BACE2: variants seen among roughly 807,000 people sequenced by gnomAD.
BACE2 encodes 56 kDa aspartic-like protease.
BACE2 carries 17 observed loss-of-function variants against 46.2 expected under a neutral mutation model. The ratio of observed to expected loss-of-function variants is 0.37; its 90% CI spans 0.25 to 0.55. BACE2 has a LOEUF of 0.55. Among genes scored for constraint, BACE2 ranks in the 20% least tolerant of loss-of-function variants. The pLI, the probability that BACE2 is intolerant of heterozygous loss-of-function variation, is 0.82. For synonymous variants in BACE2, 277 were observed against 295.9 expected, an observed-to-expected ratio of 0.94 and a Z score of 0.66; for missense variants, 595 against 698.1, an observed-to-expected ratio of 0.85 and a Z score of 1.66.
Position 41,275,363 on chromosome 21 carries a change from C to A in BACE2, c.1304-8C>A. 1 of 1,613,996 alleles carries A rather than the reference C, an allele frequency of 6.2e-7. No individual in the cohort carries two copies. The highest frequency in any genetic ancestry group is 2.2e-5 in the East Asian group (1 of 44,876). On this transcript the variant is annotated splice_region_variant and splice_polypyrimidine_tract_variant and intron_variant, in intron 8 of 8. Transcript: ENST00000330333. ...ACAGCTGTGGATTTTCCCTTTCTGT[C>A]TCCCCAGAAATTGCAGGTGCTGCAG...
chr21:41,246,109 G>T, intron 6 of BACE2, 46 bp downstream of exon 6: 1 of 1,480,094 alleles, frequency 6.8e-7, no homozygotes. Context: ...CTGAGTTACA[G>T]TCACCTGCTG....
At chr21:41,215,450 G>T (rs547116341) in intron 1 of BACE2, among the ~76,000 whole-genome samples, 1 of 152,268 alleles carries the variant, frequency 6.6e-6, no homozygotes, top group South Asian at 2.1e-4. Flanking sequence ...CTCACCCCAT[G>T]CCCCAGGTTC....
rs565675503 is a variant in BACE2 at position 41,170,450 on chromosome 21, A to G, written c.312+1875A>G. 1.1e-4 allele frequency among the ~76,000 whole-genome samples: 17 copies of G among 152,308 alleles called. No individual in the cohort carries two copies. In the South Asian group the frequency reaches 3.5e-3, roughly 32 times the overall value. On this transcript the variant is annotated intron_variant, in intron 1 of 8. Transcript: ENST00000330333. ...ATTTAATTTTTACATGTGATGGGGAATGAAATATCCTGTACCTCCCTCCTG... is the reference window on the plus strand; with the variant it reads ...ATTTAATTTTTACATGTGATGGGGAGTGAAATATCCTGTACCTCCCTCCTG...
chr21:41,216,003 G>C (rs982719308), intron 1 of BACE2, among the ~76,000 whole-genome samples: 4 of 152,184 alleles, frequency 2.6e-5, no homozygotes, highest in African/African-American at 9.7e-5. Context: ...TAAATTGCTA[G>C]CATGTGGCAT....
chr21:41,206,977 G>A (rs1986145694), intron 1 of BACE2, among the ~76,000 whole-genome samples: 1 of 152,112 alleles, frequency 6.6e-6, no homozygotes, highest in Non-Finnish European at 1.5e-5. Context: ...TTGGTAACTA[G>A]GGTAAAGTTA....
At chr21:41,238,980 GA>G (rs1987212878) in intron 3 of BACE2, among the ~76,000 whole-genome samples, 1 of 61,028 alleles carries the variant, frequency 1.6e-5, no homozygotes, top group Non-Finnish European at 3.4e-5. Context: ...AAAAAAAAAA[GA>G]ACTGCAGAAG....
chr21:41,266,747 C>CTT (rs1988077419), intron 8 of BACE2, among the ~76,000 whole-genome samples: 1 of 152,218 alleles, frequency 6.6e-6, no homozygotes, highest in South Asian at 2.1e-4. Context: ...AGTCTCTCAC[C>CTT]CCTCCTGGTC....
intron 1 of BACE2, chr21:41,176,754 T>G (rs955264991): frequency 2.0e-5 from 3 of 152,220 alleles, no homozygotes; most frequent in Non-Finnish European, 4.4e-5. Flanking sequence ...CTGAAAATCT[T>G]GGTGCTGAAC....
intron 8 of BACE2, among the ~76,000 whole-genome samples, chr21:41,269,661 T>G (rs1351211503): frequency 6.6e-6 from 1 of 152,250 alleles, no homozygotes; most frequent in Non-Finnish European, 1.5e-5. Context: ...ATCTATAATG[T>G]TTCATGTTCA....
At chr21:41,192,431 T>A (rs1985605635) in intron 1 of BACE2, among the ~76,000 whole-genome samples, 1 of 152,178 alleles carries the variant, frequency 6.6e-6, no homozygotes, top group Non-Finnish European at 1.5e-5. Flanking sequence ...ACCCACTTTA[T>A]GGCTAGATGG....
chr21:41,274,691 G>C (rs552894605), intron 8 of BACE2, among the ~76,000 whole-genome samples: 6 of 152,114 alleles, frequency 3.9e-5, no homozygotes, highest in Non-Finnish European at 7.4e-5. Context: ...AATTTTAACT[G>C]TTTCTCTTTG....
intron 4 of BACE2, among the ~76,000 whole-genome samples, chr21:41,243,134 G>A (rs1987354959): frequency 6.6e-6 from 1 of 152,044 alleles, no homozygotes; most frequent in Non-Finnish European, 1.5e-5. Flanking sequence ...GGCCGTTCTC[G>A]AACTCCTGAC....
At position 41,243,386 on chromosome 21, in the gene BACE2, G is replaced by A. The variant is rs1449263205; in HGVS notation, c.758G>A (p.Gly253Glu). 6.2e-7 allele frequency: 1 copy of A among 1,602,048 alleles called. No homozygotes were observed. The highest frequency in any genetic ancestry group is 8.5e-7 in the Non-Finnish European group (1 of 1,174,770). ...TATTTCCTGTCCCAGGTCTTGGGTGGAATTGAACCAAGTTTGTATAAAGGA... is the reference window on the plus strand; with the variant it reads ...TATTTCCTGTCCCAGGTCTTGGGTGAAATTGAACCAAGTTTGTATAAAGGA... The part of the protein sequence containing the change: ...GTNGGSLVLG[G>E]IEPSLYKGDI... The change falls in exon 5 of 9, where the codon GGA (glycine) becomes GAA (glutamate). Residue 253 changes from glycine to glutamate, a missense_variant. Gly to Glu is a moderately conservative substitution (Grantham distance 98). Around this residue, in one of 3 missense-constraint regions of BACE2, gnomAD observed 343 missense variants for 419.4 expected, o/e 0.82. Transcript: ENST00000330333.
chr21:41,179,010 G>T, intron 1 of BACE2: 4 of 971,408 alleles, frequency 4.1e-6, no homozygotes, highest in Non-Finnish European at 4.1e-6. Context: ...GGAGGACTGA[G>T]CCTTCAGAAG....
chr21:41,254,730 C>T (rs1987732027), intron 7 of BACE2, among the ~76,000 whole-genome samples: 1 of 152,252 alleles, frequency 6.6e-6, no homozygotes, highest in Non-Finnish European at 1.5e-5. Flanking sequence ...ATGGCCGACT[C>T]ATCTTCATTT....
chr21:41,247,028 T>G (rs754858030), intron 6 of BACE2, among the ~76,000 whole-genome samples: 11 of 152,182 alleles, frequency 7.2e-5, no homozygotes, highest in Non-Finnish European at 1.6e-4. Flanking sequence ...GGGCCTTCCT[T>G]GTGAGATCGT....
chr21:41,259,178 C>T (rs1987865363), intron 8 of BACE2, among the ~76,000 whole-genome samples: 1 of 152,146 alleles, frequency 6.6e-6, no homozygotes, highest in African/African-American at 2.4e-5. Context: ...CTAGGCAGGG[C>T]AACTTTTTTT....
Position 41,168,401 on chromosome 21 carries a change from C to T in BACE2, c.138C>T (p.Thr46=). The T allele has an allele frequency of 7.1e-7, 1 of 1,411,076 alleles. No individual in the cohort carries two copies. Among genetic ancestry groups the T allele is most frequent in the East Asian group, 3.1e-5 (1 of 32,710 alleles). The allele number at this position is 1,411,076 out of a possible 1,614,324, so 87.4% of individuals were successfully genotyped here. ...AAATNRVVAP[T]PGPGTPAERH... is the part of the protein sequence containing the mutation. ...CCACGAACCGCGTAGTTGCGCCCACCCCGGGACCCGGGACCCCTGCCGAGC... is the reference window on the plus strand; with the variant it reads ...CCACGAACCGCGTAGTTGCGCCCACTCCGGGACCCGGGACCCCTGCCGAGC... Residue 46 remains threonine, a synonymous_variant, in exon 1 of 9, where the codon ACC becomes ACT. Coordinates refer to ENST00000330333, the MANE Select transcript of BACE2 (RefSeq NM_012105.5).
At chr21:41,231,120 C>T (rs950792433) in intron 2 of BACE2, among the ~76,000 whole-genome samples, 1 of 152,222 alleles carries the variant, frequency 6.6e-6, no homozygotes, top group African/African-American at 2.4e-5. Flanking sequence ...AATGGCTTTC[C>T]ATTCAATGAG....
Sources: gnomAD v4.1 joint callset for allele counts (sites outside exome capture counted in the v4.1 genomes callset) on GRCh38, gnomAD v4.1.1 for gene constraint, gnomAD v4.1.1 regional missense constraint, MANE v1.5 for transcripts, NCBI Gene and HGNC (gene_info 2026-07-23, HGNC 2026-07-21) for gene names.